The following RBFOX2 variants were observed in gnomAD, a reference collection of about 807,000 sequenced individuals.
The protein encoded by RBFOX2 is RNA binding protein fox-1 homolog 2.
RBFOX2 carries 10 observed loss-of-function variants against 49.1 expected under a neutral mutation model. The observed-to-expected ratio is 0.20, with a 90% CI of 0.13 to 0.35. RBFOX2 has a LOEUF of 0.35. Among genes scored for constraint, RBFOX2 ranks in the 10% least tolerant of loss-of-function variants. The pLI is 1.00. For missense variants in RBFOX2, 323 were observed against 486.9 expected (o/e 0.66, Z 3.17); for synonymous variants, 183 against 187.4 (o/e 0.98, Z 0.19).
intron 2 of RBFOX2, among the ~76,000 whole-genome samples, chr22:35,796,024 C>G (rs1163263490): frequency 2.6e-5 from 4 of 152,056 alleles, no homozygotes; most frequent in Non-Finnish European, 5.9e-5. Flanking sequence ...TAATGTTTAG[C>G]AATGGGGTCT....
chr22:35,897,776 C>T, intron 1 of RBFOX2: 1 of 760,560 alleles, frequency 1.3e-6, no homozygotes, highest in East Asian at 2.5e-5. Flanking sequence ...AATCTATCCT[C>T]TCTTCCAAAG....
chr22:35,830,120 A>G lies in RBFOX2; in HGVS notation c.27+10072T>C, dbSNP rs532731511. On this transcript the variant is annotated intron_variant, in intron 1 of 11. Transcript: ENST00000405409. ...CTACCCAATTTAACTCTCCCATTCA[A>G]CATTTCAAAAGAGGACACTATCAAT... Among the ~76,000 whole-genome samples the G allele has an allele frequency of 3.9e-5, 6 of 152,364 alleles. No individual in the cohort carries two copies. The South Asian group carries it at 1.2e-3, about 32-fold the overall frequency.
chr22:35,739,568 G>A (rs1471021633), exon 12 of RBFOX2: 5 of 152,640 alleles, frequency 3.3e-5, no homozygotes, highest in South Asian at 4.1e-4. Flanking sequence ...CAAATACTGT[G>A]AACAGAAAAA....
In RBFOX2 at chr22:35,777,417, C is replaced by CA. The variant is rs1193091927; in HGVS notation, c.453+607dup. On this transcript the variant is annotated intron_variant, in intron 4 of 11. Transcript: ENST00000405409. ...CACACTTACTACTTTCATTCTTATG[C>CA]AAAAAAAACTAACTCACTGTATTTG... 1.4e-4 allele frequency among the ~76,000 whole-genome samples: 22 copies of CA among 151,754 alleles called. No individual in the cohort carries two copies. The East Asian group carries it at 3.7e-3, about 25-fold the overall frequency.
At chr22:35,840,491 T>C in exon 1 of RBFOX2, 5 of 1,351,546 alleles carry the variant, frequency 3.7e-6, no homozygotes, top group Non-Finnish European at 4.8e-6. Flanking sequence ...ATGCCTAAGG[T>C]AATTAATCAG....
At chr22:36,022,124 C>T (rs1200815967) in intron 1 of RBFOX2, among the ~76,000 whole-genome samples, 1 of 152,132 alleles carries the variant, frequency 6.6e-6, no homozygotes, top group South Asian at 2.1e-4. Context: ...AACAAAAATT[C>T]AAAGAAATCT....
intron 2 of RBFOX2, among the ~76,000 whole-genome samples, chr22:35,804,855 T>C (rs1950417501): frequency 1.3e-5 from 2 of 151,794 alleles, no homozygotes; most frequent in African/African-American, 4.8e-5. Context: ...TAAAATAAAA[T>C]GAATCCTGTC....
intron 1 of RBFOX2, among the ~76,000 whole-genome samples, chr22:35,873,507 G>C (rs940400996): frequency 3.3e-5 from 5 of 152,170 alleles, no homozygotes; most frequent in Admixed American, 2.0e-4. Flanking sequence ...TCATAGCGTA[G>C]TTCCTACAAT....
exon 12 of RBFOX2, chr22:35,743,787 C>A (rs1931078791): frequency 6.4e-6 from 1 of 156,738 alleles, no homozygotes; most frequent in Non-Finnish European, 1.4e-5. Flanking sequence ...TCATTCAGCA[C>A]CAGATACACT....
chr22:35,933,953 T>TATATATATATATATATATATAC lies in RBFOX2; in HGVS notation c.-34+4893_-34+4894insGTATATATATATATATATATAT, dbSNP rs1009021083. 1.3e-3 allele frequency among the ~76,000 whole-genome samples: 183 copies of TATATATATATATATATATATAC among 140,996 alleles called. 4 individuals are homozygous for TATATATATATATATATATATAC. Among genetic ancestry groups the TATATATATATATATATATATAC allele is most frequent in the African/African-American group, 5.0e-3 (178 of 35,698 alleles). The allele number at this position is 140,996 out of a possible 152,430, so 92.5% of individuals were successfully genotyped here. On this transcript the variant is annotated intron_variant, in intron 1 of 13. Coordinates refer to the RBFOX2 transcript ENST00000359369. Reference sequence around the variant, plus strand: ...ATATATATATATATATATATATATATACACACATCAATGAAATAAATTAGA... The same window carrying TATATATATATATATATATATAC: ...ATATATATATATATATATATATATATATATATATATATATATATATACACACACATCAATGAAATAAATTAGA...
chr22:35,828,104 T>C (rs1956112930), intron 1 of RBFOX2, among the ~76,000 whole-genome samples: 1 of 147,610 alleles, frequency 6.8e-6, no homozygotes, highest in South Asian at 2.1e-4. Flanking sequence ...GAGGTTGCAG[T>C]GAGCCAAGAT....
At chr22:35,744,120 A>G (rs1449486692) in exon 12 of RBFOX2, 38 of 1,229,200 alleles carry the variant, frequency 3.1e-5, no homozygotes, top group Admixed American at 5.5e-5. Flanking sequence ...TCATCTTGCT[A>G]TAGAGTTCCT....
chr22:35,910,354 T>C (rs1312708834), intron 1 of RBFOX2, among the ~76,000 whole-genome samples: 1 of 152,228 alleles, frequency 6.6e-6, no homozygotes, highest in Non-Finnish European at 1.5e-5. Context: ...TCTAACAGGA[T>C]ACTTAAATTA....
intron 1 of RBFOX2, among the ~76,000 whole-genome samples, chr22:35,936,854 T>A (rs1472436662): frequency 6.6e-6 from 1 of 152,220 alleles, no homozygotes; most frequent in Admixed American, 6.5e-5. Context: ...ACAAGAAGAA[T>A]ACAGTACCCT....
chr22:35,781,554 A>G, intron 3 of RBFOX2, 46 bp downstream of exon 4: 1 of 1,592,144 alleles, frequency 6.3e-7, no homozygotes, highest in Non-Finnish European at 8.6e-7. Flanking sequence ...GGGGGATTAA[A>G]ATCTACTTTA....
intron 1 of RBFOX2, among the ~76,000 whole-genome samples, chr22:35,978,015 G>A (rs951167004): frequency 1.3e-5 from 2 of 151,882 alleles, no homozygotes; most frequent in Admixed American, 1.3e-4. Context: ...AAGCCACAAG[G>A]AAGAATGGGC....
At chr22:35,811,575 T>TC (rs1951875509) in intron 1 of RBFOX2, among the ~76,000 whole-genome samples, 1 of 152,192 alleles carries the variant, frequency 6.6e-6, no homozygotes, top group South Asian at 2.1e-4. Flanking sequence ...TGTAATACTT[T>TC]CTTATGGCAG....
chr22:35,810,514 G>A (rs1951664338), intron 1 of RBFOX2, among the ~76,000 whole-genome samples: 2 of 151,530 alleles, frequency 1.3e-5, no homozygotes, highest in South Asian at 4.2e-4. Flanking sequence ...AGACACACAT[G>A]TACACACAAA....
intron 9 of RBFOX2, among the ~76,000 whole-genome samples, chr22:35,755,340 A>C (rs1040709437): frequency 1.3e-5 from 2 of 152,242 alleles, no homozygotes; most frequent in African/African-American, 4.8e-5. Context: ...ATTTTAAATA[A>C]TATGTGACAA....
Sources: gnomAD v4.1 joint callset for allele counts (sites outside exome capture counted in the v4.1 genomes callset) on GRCh38, gnomAD v4.1.1 for gene constraint, MANE v1.5 for transcripts, NCBI Gene and HGNC (gene_info 2026-07-23, HGNC 2026-07-21) for gene names.